ASIC2: variants seen among roughly 807,000 people sequenced by gnomAD.
ASIC2 encodes acid-sensing ion channel 2.
In ASIC2, 25 loss-of-function variants were observed where a neutral mutation model predicts 57.3. That is an observed-to-expected ratio of 0.44 (90% CI 0.32 to 0.61). The LOEUF is 0.61. Among genes scored for constraint, ASIC2 ranks in the 20% least tolerant of loss-of-function variants. The probability of loss-of-function intolerance (pLI) is 0.06; values close to 1 mark genes in which losing one functional copy is unlikely to be tolerated. For synonymous variants in ASIC2, 319 were observed against 307.5 expected (o/e 1.04, Z -0.39); for missense variants, 641 against 738.1 (o/e 0.87, Z 1.52).
At chr17:33,193,933 G>A (rs1323914463) in intron 1 of ASIC2, among the ~76,000 whole-genome samples, 1 of 152,120 alleles carries the variant, frequency 6.6e-6, no homozygotes, top group Non-Finnish European at 1.5e-5. Context: ...CCATCTCTGG[G>A]AATACTTTCT....
chr17:33,089,122 A>T, intron 2 of ASIC2, 132 bp from the exon 3 acceptor site: 1 of 1,222,184 alleles, frequency 8.2e-7, no homozygotes, highest in Non-Finnish European at 1.1e-6. Context: ...AAAGGTGTCC[A>T]CATCCCCACC....
intron 1 of ASIC2, among the ~76,000 whole-genome samples, chr17:33,576,400 T>A (rs887337897): frequency 6.6e-6 from 1 of 152,204 alleles, no homozygotes; most frequent in South Asian, 2.1e-4. Flanking sequence ...GGGGAGCCCC[T>A]AGTATGTTGC....
intron 1 of ASIC2, among the ~76,000 whole-genome samples, chr17:34,085,331 G>T (rs1198741726): frequency 1.3e-5 from 2 of 152,136 alleles, no homozygotes; most frequent in African/African-American, 4.8e-5. Context: ...TTTATATGCT[G>T]GATTACATTT....
At chr17:33,132,605 G>A (rs570419517) in intron 1 of ASIC2, among the ~76,000 whole-genome samples, 17 of 152,290 alleles carry the variant, frequency 1.1e-4, no homozygotes, top group African/African-American at 3.1e-4. Flanking sequence ...ATGCATGTGC[G>A]CTCATGCACA....
intron 1 of ASIC2, among the ~76,000 whole-genome samples, chr17:33,642,214 C>T (rs996005008): frequency 2.0e-5 from 3 of 150,394 alleles, no homozygotes; most frequent in African/African-American, 7.3e-5. Flanking sequence ...GACACCCCCC[C>T]CCCCCCCACA....
intron 1 of ASIC2, among the ~76,000 whole-genome samples, chr17:33,558,239 G>A (rs1915968179): frequency 1.3e-5 from 2 of 151,880 alleles, no homozygotes; most frequent in African/African-American, 4.8e-5. Context: ...ACCCTGTGGG[G>A]CTGGACCCTA....
intron 1 of ASIC2, among the ~76,000 whole-genome samples, chr17:33,830,311 T>C (rs1451963008): frequency 6.6e-6 from 1 of 152,156 alleles, no homozygotes; most frequent in Admixed American, 6.5e-5. Context: ...TGGTCCTCTT[T>C]TTCTAGGCAT....
At position 34,075,245 on chromosome 17, in the gene ASIC2, T is replaced by G. The variant is rs140460363; in HGVS notation, c.555+80733A>C. 2.1e-3 allele frequency among the ~76,000 whole-genome samples: 321 copies of G among 152,210 alleles called. 1 individual carries two copies. The highest frequency in any genetic ancestry group is 7.6e-3 in the African/African-American group (314 of 41,520). ...GATTGAAACTCAGGTGGCCTGTGTG[T>G]CACAAGCTCTGATGCAGACTCCCAA... On this transcript the variant is annotated intron_variant, in intron 1 of 9. Transcript: ENST00000359872.
At chr17:33,892,346 A>T (rs563388905) in intron 1 of ASIC2, among the ~76,000 whole-genome samples, 1 of 152,296 alleles carries the variant, frequency 6.6e-6, no homozygotes, top group Admixed American at 6.5e-5. Context: ...AGAAGGAGAC[A>T]GACACTTAGA....
chr17:33,727,086 C>T (rs1464635294), intron 1 of ASIC2, among the ~76,000 whole-genome samples: 2 of 152,186 alleles, frequency 1.3e-5, no homozygotes, highest in Non-Finnish European at 2.9e-5. Context: ...CCAAAACCAA[C>T]TACAGAGGTG....
intron 1 of ASIC2, among the ~76,000 whole-genome samples, chr17:34,122,608 C>A (rs1267142036): frequency 6.6e-6 from 1 of 152,184 alleles, no homozygotes; most frequent in East Asian, 1.9e-4. Context: ...CTAGCAGGGG[C>A]AAAAGAGGAG....
At chr17:33,629,563 G>A (rs34159172) in intron 1 of ASIC2, among the ~76,000 whole-genome samples, 45,995 of 152,054 alleles carry the variant, frequency 0.3, 7,145 homozygotes, top group East Asian at 0.42. Context: ...GAGGTGATTG[G>A]CTCTTGATTT....
At chr17:34,155,733 AT>A in intron 1 of ASIC2, 1 of 502,532 alleles carries the variant, frequency 2.0e-6, no homozygotes, top group Non-Finnish European at 3.5e-6. Context: ...TGGGGAAGTG[AT>A]CCCCCACCGC....
chr17:33,328,598 C>G (rs1231219154), intron 1 of ASIC2, among the ~76,000 whole-genome samples: 1 of 152,124 alleles, frequency 6.6e-6, no homozygotes, highest in Non-Finnish European at 1.5e-5. Context: ...GGGGTACATG[C>G]GATACTTGCT....
chr17:33,724,014 C>T (rs563177244), intron 1 of ASIC2, among the ~76,000 whole-genome samples: 4 of 152,228 alleles, frequency 2.6e-5, no homozygotes, highest in African/African-American at 9.6e-5. Context: ...TCCCACAATT[C>T]CCATGTGTCA....
rs562253174 is a variant in ASIC2 at position 33,570,138 on chromosome 17, AACT to A, written c.556-458074_556-458072del. Among the ~76,000 whole-genome samples the A allele has an allele frequency of 4.6e-5, 7 of 152,302 alleles. No homozygotes were observed. In the South Asian group the frequency reaches 1.5e-3, roughly 32 times the overall value. On this transcript the variant is annotated intron_variant, in intron 1 of 9. Transcript: ENST00000359872. ...TCCTGGGTGATCTACCCCTTCTCTG[AACT>A]ACTAAAGCTGTCAGCATCTGACTCA...
intron 1 of ASIC2, among the ~76,000 whole-genome samples, chr17:33,481,451 G>T (rs1913400548): frequency 6.6e-6 from 1 of 152,148 alleles, no homozygotes; most frequent in Non-Finnish European, 1.5e-5. Context: ...CTTTGTCTTT[G>T]TTGACCTGTG....
intron 1 of ASIC2, among the ~76,000 whole-genome samples, chr17:34,016,892 C>T (rs1288891968): frequency 6.6e-6 from 1 of 152,186 alleles, no homozygotes; most frequent in Non-Finnish European, 1.5e-5. Flanking sequence ...AGATATTCAT[C>T]AGGATGCTTA....
intron 1 of ASIC2, among the ~76,000 whole-genome samples, chr17:33,312,575 C>A (rs538406170): frequency 2.0e-5 from 3 of 152,142 alleles, no homozygotes; most frequent in African/African-American, 7.2e-5. Context: ...GAGGGATGAG[C>A]GGCAAGGGCT....
Sources: allele counts gnomAD v4.1 joint callset (sites outside exome capture counted in the v4.1 genomes callset), GRCh38; gene constraint gnomAD v4.1.1; transcripts MANE v1.5; gene names NCBI Gene and HGNC (gene_info 2026-07-23, HGNC 2026-07-21).